PRKCA: variants seen among roughly 807,000 people sequenced by gnomAD.
PRKCA encodes protein kinase C alpha type.
PRKCA carries 27 observed loss-of-function variants against 87.0 expected under a neutral mutation model. The ratio of observed to expected loss-of-function variants is 0.31; its 90% CI spans 0.23 to 0.43. PRKCA has a LOEUF of 0.43. PRKCA is among the 20% of genes least tolerant of loss of function. The pLI, the probability that PRKCA is intolerant of heterozygous loss-of-function variation, is 1.00. For missense variants in PRKCA, 518 were observed against 852.3 expected, an observed-to-expected ratio of 0.61 and a Z score of 4.88; for synonymous variants, 329 against 311.1, an observed-to-expected ratio of 1.06 and a Z score of -0.61.
intron 13 of PRKCA, among the ~76,000 whole-genome samples, chr17:66,757,763 C>T (rs1048142803): frequency 2.0e-5 from 3 of 152,084 alleles, no homozygotes; most frequent in Non-Finnish European, 2.9e-5. Context: ...CTTGCTCTGT[C>T]CCCCAGGCTG....
At chr17:66,740,571 A>G (rs139748670) in intron 11 of PRKCA, among the ~76,000 whole-genome samples, 21 of 152,306 alleles carry the variant, frequency 1.4e-4, no homozygotes, top group Non-Finnish European at 2.5e-4. Flanking sequence ...TGCAAGCTTT[A>G]AAAGTGTGAA....
intron 13 of PRKCA, among the ~76,000 whole-genome samples, chr17:66,749,305 A>T (rs1213357688): frequency 7.7e-6 from 1 of 129,150 alleles, no homozygotes; most frequent in Non-Finnish European, 1.6e-5. Flanking sequence ...ACCCCTCCGG[A>T]GCTCTCTAGA....
intron 13 of PRKCA, among the ~76,000 whole-genome samples, chr17:66,763,968 T>C (rs1000196876): frequency 1.3e-5 from 2 of 152,192 alleles, no homozygotes; most frequent in Non-Finnish European, 2.9e-5. Context: ...TCATGTAAAC[T>C]GGGCGAGTAC....
intron 2 of PRKCA, among the ~76,000 whole-genome samples, chr17:66,383,598 G>T (rs1418227817): frequency 6.6e-6 from 1 of 152,162 alleles, no homozygotes; most frequent in African/African-American, 2.4e-5. Context: ...TTACTGCGAA[G>T]AAGTTTATTA....
intron 3 of PRKCA, among the ~76,000 whole-genome samples, chr17:66,636,229 C>T (rs894788401): frequency 9.9e-5 from 15 of 152,180 alleles, no homozygotes; most frequent in Non-Finnish European, 1.9e-4. Flanking sequence ...CTCTGCAGAT[C>T]TTCATGACTC....
chr17:66,346,613 A>G (rs1907388530), intron 2 of PRKCA, among the ~76,000 whole-genome samples: 1 of 152,134 alleles, frequency 6.6e-6, no homozygotes, highest in African/African-American at 2.4e-5. Flanking sequence ...AACAAAGTAT[A>G]TGTTTTAAAA....
chr17:66,681,817 A>G (rs1972502731), intron 5 of PRKCA, among the ~76,000 whole-genome samples: 1 of 152,194 alleles, frequency 6.6e-6, no homozygotes, highest in Admixed American at 6.5e-5. Context: ...CCTGTGCACC[A>G]TCAGATGTGT....
chr17:66,488,971 T>C (rs944619799), intron 2 of PRKCA, among the ~76,000 whole-genome samples: 2 of 152,186 alleles, frequency 1.3e-5, no homozygotes, highest in Non-Finnish European at 2.9e-5. Flanking sequence ...CTGAAAGCGG[T>C]TGACTTGCCT....
At chr17:66,414,452 G>A (rs904971985) in intron 2 of PRKCA, among the ~76,000 whole-genome samples, 1 of 152,228 alleles carries the variant, frequency 6.6e-6, no homozygotes, top group Admixed American at 6.5e-5. Context: ...TGTACGGCCT[G>A]TGGAACTGTG....
intron 2 of PRKCA, among the ~76,000 whole-genome samples, chr17:66,439,657 G>T (rs1456347346): frequency 6.6e-6 from 1 of 152,174 alleles, no homozygotes; most frequent in Non-Finnish European, 1.5e-5. Flanking sequence ...CACGTTGGAG[G>T]TTTGTAGAGG....
intron 2 of PRKCA, among the ~76,000 whole-genome samples, chr17:66,381,236 C>CT (rs1368261135): frequency 6.6e-6 from 1 of 152,150 alleles, no homozygotes. Flanking sequence ...GCCACTGTGC[C>CT]TGGCCAGGTG....
chr17:66,606,920 TGTAA>T (rs1296399517), intron 3 of PRKCA, among the ~76,000 whole-genome samples: 12 of 152,222 alleles, frequency 7.9e-5, no homozygotes, highest in Non-Finnish European at 1.6e-4. Flanking sequence ...TTATATGTAC[TGTAA>T]GTATAACTTA....
chr17:66,801,746 C>T (rs1975904503), intron 16 of PRKCA, among the ~76,000 whole-genome samples: 1 of 152,130 alleles, frequency 6.6e-6, no homozygotes, highest in Non-Finnish European at 1.5e-5. Flanking sequence ...ATGTGGGAGG[C>T]AGGACGGATG....
intron 2 of PRKCA, among the ~76,000 whole-genome samples, chr17:66,469,185 C>T (rs1415051371): frequency 1.3e-5 from 2 of 152,198 alleles, no homozygotes; most frequent in Non-Finnish European, 2.9e-5. Flanking sequence ...CCTCTACCCC[C>T]AGCCAGAGCT....
chr17:66,692,377 A>G (rs1972808398), intron 8 of PRKCA, among the ~76,000 whole-genome samples: 1 of 152,242 alleles, frequency 6.6e-6, no homozygotes, highest in African/African-American at 2.4e-5. Flanking sequence ...TGAGAATTTT[A>G]CGACAGCTGC....
At chr17:66,406,182 T>G (rs571727675) in intron 2 of PRKCA, among the ~76,000 whole-genome samples, 1 of 152,182 alleles carries the variant, frequency 6.6e-6, no homozygotes, top group South Asian at 2.1e-4. Context: ...AATTTGCCTC[T>G]GGGTTTCAGT....
intron 16 of PRKCA, among the ~76,000 whole-genome samples, chr17:66,798,068 C>T (rs879576637): frequency 2.6e-5 from 4 of 152,198 alleles, no homozygotes; most frequent in African/African-American, 4.8e-5. Context: ...GATCCACCTG[C>T]CTGCCTCATC....
intron 2 of PRKCA, among the ~76,000 whole-genome samples, chr17:66,454,685 G>A (rs545882338): frequency 1.2e-4 from 19 of 152,286 alleles, no homozygotes; most frequent in South Asian, 1.0e-3. Context: ...GATCTCATGA[G>A]ACTTCTTCAC....
chr17:66,369,330 G>C (rs1351992623), intron 2 of PRKCA, among the ~76,000 whole-genome samples: 1 of 152,116 alleles, frequency 6.6e-6, no homozygotes, highest in South Asian at 2.1e-4. Flanking sequence ...GAAGATTGCT[G>C]TCTGGTTCCA....
Sources: gnomAD v4.1 joint callset for allele counts (sites outside exome capture counted in the v4.1 genomes callset) on GRCh38, gnomAD v4.1.1 for gene constraint, MANE v1.5 for transcripts, NCBI Gene and HGNC (gene_info 2026-07-23, HGNC 2026-07-21) for gene names.